The following LMX1A variants were observed in gnomAD, a reference collection of about 807,000 sequenced individuals.
The protein encoded by LMX1A is LIM homeobox transcription factor 1 alpha.
LMX1A carries 15 observed loss-of-function variants against 49.1 expected under a neutral mutation model. The ratio of observed to expected loss-of-function variants is 0.31; its 90% CI spans 0.20 to 0.47. The LOEUF (loss-of-function observed/expected upper bound fraction) is 0.47. LMX1A is among the 20% of genes least tolerant of loss of function. The pLI, the probability that LMX1A is intolerant of heterozygous loss-of-function variation, is 1.00. For missense variants in LMX1A, 372 were observed against 475.8 expected (o/e 0.78, Z 2.03); for synonymous variants, 167 against 185.7 (o/e 0.90, Z 0.82).
Position 165,249,490 on chromosome 1 carries a change from C to A in LMX1A, c.414G>T (p.Lys138Asn), listed in dbSNP as rs1272772170. ...CCCCTTTGCAGAGCAGCTGCCCCTC[C>A]TTCAGGACAAACTCATCACCCTTCT... ...QLQKGDEFVLKEGQLLCKGDY... is the reference protein window; with the variant it reads ...QLQKGDEFVLNEGQLLCKGDY... The change falls in exon 4 of 9, where the codon AAG (lysine) becomes AAT (asparagine). Residue 138 changes from lysine (K) to asparagine (N), a missense_variant. Coordinates refer to ENST00000342310, the MANE Select transcript of LMX1A (RefSeq NM_177398.4). 1.1e-5 allele frequency: 18 copies of A among 1,614,212 alleles called. No individual in the cohort carries two copies. Among genetic ancestry groups the A allele is most frequent in the Non-Finnish European group, 1.5e-5 (18 of 1,180,046 alleles).
At chr1:165,248,669 T>C (rs913463131) in intron 4 of LMX1A, among the ~76,000 whole-genome samples, 1 of 152,198 alleles carries the variant, frequency 6.6e-6, no homozygotes, top group Non-Finnish European at 1.5e-5. Context: ...TTTCTTTATG[T>C]GACCTGCCAA....
chr1:165,314,943 A>G (rs1031867934), intron 3 of LMX1A, among the ~76,000 whole-genome samples: 9 of 152,190 alleles, frequency 5.9e-5, no homozygotes, highest in Non-Finnish European at 1.0e-4. Flanking sequence ...GAAGCCCTGA[A>G]CACCAACACC....
intron 4 of LMX1A, among the ~76,000 whole-genome samples, chr1:165,223,840 C>A (rs1215174996): frequency 6.6e-6 from 1 of 151,940 alleles, no homozygotes; most frequent in African/African-American, 2.4e-5. Context: ...TGTACTACAC[C>A]CATATAAAGA....
chr1:165,250,227 G>A (rs1653008257), intron 3 of LMX1A, among the ~76,000 whole-genome samples: 1 of 151,912 alleles, frequency 6.6e-6, no homozygotes, highest in Non-Finnish European at 1.5e-5. Context: ...ATGTACCCCA[G>A]AACTTAAAAT....
intron 3 of LMX1A, among the ~76,000 whole-genome samples, chr1:165,268,709 AT>A (rs1410761705): frequency 6.6e-6 from 1 of 152,224 alleles, no homozygotes; most frequent in Non-Finnish European, 1.5e-5. Context: ...CTGAGCCTGA[AT>A]TTCTTCAACT....
intron 3 of LMX1A, among the ~76,000 whole-genome samples, chr1:165,339,954 C>T (rs1200959428): frequency 6.6e-6 from 1 of 152,178 alleles, no homozygotes; most frequent in African/African-American, 2.4e-5. Context: ...TATCTCTACC[C>T]CAAGTGGTAT....
In LMX1A at chr1:165,306,766, A is replaced by G. The variant is rs1654930306; in HGVS notation, c.263+46310T>C. On this transcript the variant is annotated intron_variant, in intron 3 of 8. Coordinates refer to ENST00000342310, the MANE Select transcript of LMX1A (RefSeq NM_177398.4). The stretch of plus-strand genomic sequence containing the variant: ...ACACCACAATATATCCAGAATACAC[A>G]GTGCCTGGTACCTCCCAGAGATGAG... Among the ~76,000 whole-genome samples the G allele has an allele frequency of 4.6e-5, 7 of 152,330 alleles. 1 individual carries two copies. Among genetic ancestry groups the G allele is most frequent in the Admixed American group, 4.6e-4 (7 of 15,308 alleles).
chr1:165,294,968 GA>G (rs894920090), intron 3 of LMX1A, among the ~76,000 whole-genome samples: 30 of 148,702 alleles, frequency 2.0e-4, no homozygotes, highest in East Asian at 2.0e-4. Flanking sequence ...CATCTCAAAA[GA>G]AAAAAAAAAT....
intron 3 of LMX1A, among the ~76,000 whole-genome samples, chr1:165,343,030 T>C (rs1656122173): frequency 6.6e-6 from 1 of 152,206 alleles, no homozygotes; most frequent in African/African-American, 2.4e-5. Context: ...ACCTAACTTT[T>C]AAAACTGTTG....
At chr1:165,333,994 T>C (rs544006819) in intron 3 of LMX1A, among the ~76,000 whole-genome samples, 1 of 152,342 alleles carries the variant, frequency 6.6e-6, no homozygotes, top group Admixed American at 6.5e-5. Flanking sequence ...AATTGATTAG[T>C]ATCTCCCTTA....
At chr1:165,219,452 G>A (rs1651760416) in intron 4 of LMX1A, among the ~76,000 whole-genome samples, 1 of 152,072 alleles carries the variant, frequency 6.6e-6, no homozygotes, top group Non-Finnish European at 1.5e-5. Flanking sequence ...AGTGGAGGGA[G>A]GAGGGAAAGA....
intron 3 of LMX1A, among the ~76,000 whole-genome samples, chr1:165,252,904 A>T (rs1174485885): frequency 6.6e-6 from 1 of 152,220 alleles, no homozygotes; most frequent in African/African-American, 2.4e-5. Flanking sequence ...CAATCCATTC[A>T]CTCAAAATCT....
At position 165,289,253 on chromosome 1, in the gene LMX1A, AAAGAG is replaced by A. The variant is rs935576290; in HGVS notation, c.264-39618_264-39614del. Among the ~76,000 whole-genome samples, 18 of 152,052 alleles carry A rather than the reference AAAGAG, an allele frequency of 1.2e-4. No homozygotes were observed. The South Asian group carries it at 1.7e-3, about 14-fold the overall frequency. ...TCTCTGATTATTGATAAAAAAAAAA[AAAGAG>A]AGAGAGAGAGAGCCAGTTGCCTGGA... On this transcript the variant is annotated intron_variant, in intron 3 of 8. Transcript: ENST00000342310.
chr1:165,322,862 G>A (rs1359078774), intron 3 of LMX1A, among the ~76,000 whole-genome samples: 1 of 152,086 alleles, frequency 6.6e-6, no homozygotes, highest in Non-Finnish European at 1.5e-5. Context: ...TTAACACCTA[G>A]ACTTTGAAAG....
intron 3 of LMX1A, among the ~76,000 whole-genome samples, chr1:165,276,639 T>C (rs1177306465): frequency 6.8e-6 from 1 of 147,182 alleles, no homozygotes; most frequent in Non-Finnish European, 1.5e-5. Flanking sequence ...TACTACATGA[T>C]GCAGTGTTTG....
At chr1:165,265,491 G>T (rs564197946) in intron 3 of LMX1A, among the ~76,000 whole-genome samples, 34 of 152,226 alleles carry the variant, frequency 2.2e-4, no homozygotes, top group African/African-American at 7.9e-4. Context: ...CTTTCAAAAG[G>T]CTTGTAGATA....
rs1656626925 is a variant in LMX1A at position 165,356,553 on chromosome 1, T to C, written c.-221A>G. 1 of 152,104 alleles carries C rather than the reference T, an allele frequency of 6.6e-6. No homozygotes were observed. Among genetic ancestry groups the C allele is most frequent in the Admixed American group, 6.5e-5 (1 of 15,288 alleles). 9.4% of individuals were successfully genotyped at this position (152,104 alleles called of 1,614,324 possible). ...GGCGCGCCCAGGCTGGGCCGGGACG[T>C]GGTCGCGAGCTGCCGGCCTTCCCGG... On this transcript the variant is annotated 5_prime_UTR_variant, in exon 1 of 9. Coordinates refer to ENST00000342310, the MANE Select transcript of LMX1A (RefSeq NM_177398.4).
intron 4 of LMX1A, among the ~76,000 whole-genome samples, chr1:165,245,531 G>C (rs1652816930): frequency 1.2e-5 from 1 of 81,026 alleles, no homozygotes; most frequent in Admixed American, 1.0e-4. Flanking sequence ...GATTTAACAA[G>C]CTAATTACTC....
At chr1:165,210,542 G>A in intron 6 of LMX1A, 157 bp downstream of exon 6, 1 of 464,970 alleles carries the variant, frequency 2.2e-6, no homozygotes, top group South Asian at 5.8e-5. Context: ...GGGCTGCTGT[G>A]GCCAAAATAA....
Sources: allele counts gnomAD v4.1 joint callset (sites outside exome capture counted in the v4.1 genomes callset), GRCh38; gene constraint gnomAD v4.1.1; transcripts MANE v1.5; gene names NCBI Gene and HGNC (gene_info 2026-07-23, HGNC 2026-07-21).